Variants in C18orf54 observed in about 807,000 individuals in gnomAD.
C18orf54 encodes chromosome 18 open reading frame 54, also known as lung adenoma susceptibility protein 2.
In C18orf54, 49 loss-of-function variants were observed where a neutral mutation model predicts 49.3. That is an observed-to-expected ratio of 0.99 (90% confidence interval 0.79 to 1.26). C18orf54 has a LOEUF of 1.26. Ranked by LOEUF, C18orf54 falls within the 50% of genes most tolerant of loss-of-function variation. The pLI is 0.00. For missense variants in C18orf54, 687 were observed against 620.6 expected, an observed-to-expected ratio of 1.11 and a Z score of -1.14; for synonymous variants, 211 against 216.6, an observed-to-expected ratio of 0.97 and a Z score of 0.23.
chr18:54,376,345 C>T (rs937291974), intron 8 of C18orf54, among the ~76,000 whole-genome samples: 45 of 152,324 alleles, frequency 3.0e-4, no homozygotes, highest in Non-Finnish European at 1.2e-4. Flanking sequence ...ATTACAGGTG[C>T]ATGCCACCAT....
Position 54,360,692 on chromosome 18 carries a change from T to C in C18orf54, c.120T>C (p.Tyr40=), listed in dbSNP as rs753548344. The change falls in exon 3 of 9, where the codon TAT becomes TAC. Residue 40 remains tyrosine, a synonymous_variant. Coordinates refer to ENST00000620105, the MANE Select transcript of C18orf54 (RefSeq NM_001288980.2). Reference sequence around the variant, plus strand: ...CTAATTCTGATGGCTCGTTTCACTATAAAGATAAGCTGTACAGATCTGCTT... The same window carrying C: ...CTAATTCTGATGGCTCGTTTCACTACAAAGATAAGCTGTACAGATCTGCTT... ...NSSNSDGSFH[Y]KDKLYRSASQ... is the part of the protein sequence containing the mutation. 3.1e-6 allele frequency: 5 copies of C among 1,614,126 alleles called. No homozygotes were observed. In the South Asian group the frequency reaches 5.5e-5, roughly 18 times the overall value.
rs1166770789 is a variant in C18orf54 at position 54,370,146 on chromosome 18, G to A, written c.1327-2320G>A. 4.6e-5 allele frequency among the ~76,000 whole-genome samples: 7 copies of A among 152,090 alleles called. No homozygotes were observed. In the East Asian group the frequency reaches 1.4e-3, roughly 29 times the overall value. ...TAAAAAATGAGCCGGTTCTGGTGGCGGGCGCCTTTAGTCCCAGCTACTTTG... is the reference window on the plus strand; with the variant it reads ...TAAAAAATGAGCCGGTTCTGGTGGCAGGCGCCTTTAGTCCCAGCTACTTTG... On this transcript the variant is annotated intron_variant, in intron 6 of 8. Transcript: ENST00000620105.
intron 8 of C18orf54, among the ~76,000 whole-genome samples, chr18:54,375,890 T>G (rs1266603527): frequency 1.5e-5 from 1 of 67,470 alleles, no homozygotes; most frequent in Non-Finnish European, 2.8e-5. Context: ...TGTAATGAAG[T>G]AAGCTTAGAC....
intron 8 of C18orf54, among the ~76,000 whole-genome samples, chr18:54,376,010 T>C (rs539197357): frequency 1.3e-5 from 2 of 152,338 alleles, no homozygotes; most frequent in African/African-American, 4.8e-5. Context: ...GTTAGGTATA[T>C]GGTCATCTTT....
Position 54,362,825 on chromosome 18 carries a change from C to G in C18orf54, c.1127C>G (p.Thr376Ser). Residue 376 changes from threonine to serine, a missense_variant, in exon 5 of 9, where the codon ACT becomes AGT. Transcript: ENST00000620105. The stretch of plus-strand genomic sequence containing the variant: ...GCCAAGAGAAATCTAGAGCAGTGTA[C>G]TGAAGAATTACCAAAGTCCATGAAA... Reference protein sequence around the residue: ...LKAKRNLEQCTEELPKSMKKD... With the variant: ...LKAKRNLEQCSEELPKSMKKD... The G allele has an allele frequency of 6.2e-7, 1 of 1,612,206 alleles. No homozygotes were observed. The highest frequency in any genetic ancestry group is 1.7e-4 in the Middle Eastern group (1 of 6,050).
At chr18:54,374,064 G>A in intron 7 of C18orf54, 150 bp from the exon 8 acceptor site, 1 of 745,328 alleles carries the variant, frequency 1.3e-6, no homozygotes, top group South Asian at 2.4e-5. Flanking sequence ...ACAGTAAATG[G>A]AAAATAAAAA....
rs2089678048 is a variant in C18orf54, at chr18:54,381,778, T to C, written c.*3532T>C. 1 of 152,236 alleles carries C rather than the reference T, an allele frequency of 6.6e-6. No individual in the cohort carries two copies. Among genetic ancestry groups the C allele is most frequent in the South Asian group, 2.1e-4 (1 of 4,836 alleles). The allele number at this position is 152,236 out of a possible 1,614,324, so 9.4% of individuals were successfully genotyped here. On this transcript the variant is annotated 3_prime_UTR_variant, in exon 9 of 9. Coordinates refer to ENST00000620105, the MANE Select transcript of C18orf54 (RefSeq NM_001288980.2). ...CCCCCTGTCATTCATTTAGCTGTTA[T>C]ATTTCATTTTAATGTTTTGGGTGGT...
Position 54,362,812 on chromosome 18 carries a change from C to G in C18orf54, c.1114C>G (p.Leu372Val), listed in dbSNP as rs748312524. Reference sequence around the variant, plus strand: ...GCTTATCTTGAAGGCCAAGAGAAATCTAGAGCAGTGTACTGAAGAATTACC... The same window carrying G: ...GCTTATCTTGAAGGCCAAGAGAAATGTAGAGCAGTGTACTGAAGAATTACC... ...ELLILKAKRN[L>V]EQCTEELPKS... is the part of the protein sequence containing the mutation. Residue 372 changes from leucine to valine, a missense_variant, in exon 5 of 9, where the codon CTA becomes GTA. By Grantham distance (32) the Leu-to-Val change is conservative. Coordinates refer to ENST00000620105, the MANE Select transcript of C18orf54 (RefSeq NM_001288980.2). The G allele has an allele frequency of 1.9e-5, 31 of 1,610,234 alleles. No homozygotes were observed. In the Admixed American group the frequency reaches 5.3e-4, roughly 27 times the overall value.
chr18:54,364,805 G>A lies in C18orf54; in HGVS notation c.1224-914G>A, dbSNP rs191314684. Among the ~76,000 whole-genome samples the A allele has an allele frequency of 1.1e-3, 171 of 152,104 alleles. 4 individuals are homozygous for A. In the South Asian group the frequency reaches 0.03, roughly 27 times the overall value. ...ACTACCTGATAGTATGAAAGAGCTTGTGAATTAGAAATCAAATATGTCAAT... is the reference window on the plus strand; with the variant it reads ...ACTACCTGATAGTATGAAAGAGCTTATGAATTAGAAATCAAATATGTCAAT... On this transcript the variant is annotated intron_variant, in intron 5 of 8. Transcript: ENST00000620105.
chr18:54,365,900 A>T, intron 6 of C18orf54, 79 bp downstream of exon 6: 1 of 775,354 alleles, frequency 1.3e-6, no homozygotes, highest in Non-Finnish European at 1.9e-6. Flanking sequence ...AGTTACTTAG[A>T]TAATTTAAAG....
chr18:54,374,153 C>T (rs1306318780), intron 7 of C18orf54, 61 bp from the exon 8 acceptor site: 2 of 1,223,172 alleles, frequency 1.6e-6, no homozygotes, highest in Non-Finnish European at 2.2e-6. Flanking sequence ...TTTTCAATAC[C>T]ATTTAATTTT....
At chr18:54,371,972 A>G (rs2089493392) in intron 6 of C18orf54, among the ~76,000 whole-genome samples, 1 of 152,058 alleles carries the variant, frequency 6.6e-6, no homozygotes, top group Non-Finnish European at 1.5e-5. Context: ...TCCAGGGGTA[A>G]TCGAGCTATG....
rs1285337582 is a variant in C18orf54, at chr18:54,380,989, C to T, written c.*2743C>T. 1 of 152,094 alleles carries T rather than the reference C, an allele frequency of 6.6e-6. No individual in the cohort carries two copies. Among genetic ancestry groups the T allele is most frequent in the Non-Finnish European group, 1.5e-5 (1 of 67,982 alleles). 9.4% of individuals were successfully genotyped at this position (152,094 alleles called of 1,614,324 possible). On this transcript the variant is annotated 3_prime_UTR_variant, in exon 9 of 9. Transcript: ENST00000620105. ...GCTAATACAGTGGATAATTTCTGAGCACTTGAAGTTTCTTCAAATGTGCAA... is the reference window on the plus strand; with the variant it reads ...GCTAATACAGTGGATAATTTCTGAGTACTTGAAGTTTCTTCAAATGTGCAA...
chr18:54,375,544 C>T (rs751857970), intron 8 of C18orf54, among the ~76,000 whole-genome samples: 3 of 150,694 alleles, frequency 2.0e-5, no homozygotes, highest in Non-Finnish European at 3.0e-5. Flanking sequence ...CATTATACTG[C>T]ACTTGTCACA....
chr18:54,364,568 G>C (rs887483961), intron 5 of C18orf54, among the ~76,000 whole-genome samples: 2 of 151,990 alleles, frequency 1.3e-5, no homozygotes, highest in African/African-American at 4.8e-5. Context: ...AAATTGAATA[G>C]GAAGTACTCA....
Position 54,360,769 on chromosome 18 carries a change from C to G in C18orf54, c.197C>G (p.Pro66Arg), listed in dbSNP as rs1416666864. ...GATTTTGATCTAGGCCAAATATATC[C>G]TGGTGCAAGCACTGGAAAAATTAAC... ...IDDFDLGQIY[P>R]GASTGKINID... Residue 66 changes from proline to arginine, a missense_variant, in exon 3 of 9, where the codon CCT (proline) becomes CGT (arginine). Pro to Arg is a moderately radical substitution (Grantham distance 103). Transcript: ENST00000620105. 1 of 1,613,548 alleles carries G rather than the reference C, an allele frequency of 6.2e-7. No individual in the cohort carries two copies. The highest frequency in any genetic ancestry group is 1.1e-5 in the South Asian group (1 of 91,072).
intron 5 of C18orf54, among the ~76,000 whole-genome samples, chr18:54,365,341 G>C (rs929432966): frequency 1.3e-5 from 2 of 151,956 alleles, no homozygotes; most frequent in African/African-American, 4.8e-5. Flanking sequence ...ACTTTTAAGA[G>C]TTTATGGGGT....
At chr18:54,362,568 T>G in intron 4 of C18orf54, 137 bp downstream of exon 4, 1 of 903,728 alleles carries the variant, frequency 1.1e-6, no homozygotes, top group Non-Finnish European at 1.6e-6. Context: ...ATGCTTATAA[T>G]CTTCACATAC....
In C18orf54 at chr18:54,362,186, G is replaced by A. The variant is rs1474260981; in HGVS notation, c.827G>A (p.Ser276Asn). Residue 276 changes from serine (S) to asparagine (N), a missense_variant, in exon 4 of 9, where the codon AGT becomes AAT. By Grantham distance (46) the Ser-to-Asn change is conservative. Coordinates refer to ENST00000620105, the MANE Select transcript of C18orf54 (RefSeq NM_001288980.2). The part of the protein sequence containing the change: ...HNQDLLPDAN[S>N]QRVYQIFKDD... ...CAAGACTTGCTACCTGATGCAAATA[G>A]TCAAAGGGTTTATCAGATATTTAAA... The A allele has an allele frequency of 1.3e-6, 2 of 1,536,006 alleles. No individual in the cohort carries two copies. The highest frequency in any genetic ancestry group is 1.7e-6 in the Non-Finnish European group (2 of 1,146,872).
Sources: gnomAD v4.1 joint callset for allele counts (sites outside exome capture counted in the v4.1 genomes callset) on GRCh38, gnomAD v4.1.1 for gene constraint, MANE v1.5 for transcripts, NCBI Gene and HGNC (gene_info 2026-07-23, HGNC 2026-07-21) for gene names.